The following TP53BP2 variants were observed in gnomAD, a reference collection of about 807,000 sequenced individuals.
TP53BP2 encodes the protein tumor protein p53 binding protein 2.
In TP53BP2, 62 loss-of-function variants were observed where a neutral mutation model predicts 126.2. The ratio of observed to expected loss-of-function variants is 0.49; its 90% confidence interval spans 0.40 to 0.61. The LOEUF is 0.61. TP53BP2 is among the 20% of genes least tolerant of loss of function. TP53BP2 has a pLI of 0.00. For synonymous variants in TP53BP2, 485 were observed against 502.9 expected (o/e 0.96, Z 0.48); for missense variants, 1,215 against 1,402.8 (o/e 0.87, Z 2.14).
chr1:223,798,424 T>G lies in TP53BP2; in HGVS notation c.1739A>C (p.Gln580Pro). Residue 580 changes from glutamine (Q) to proline (P), a missense_variant, in exon 12 of 18, where the codon CAA becomes CCA. Around this residue, in one of 4 missense-constraint regions of TP53BP2, gnomAD observed 814 missense variants for 853.0 expected, o/e 0.95. Transcript: ENST00000343537. ...QDQTLSPGSKQESPPAAAVRP... is the reference protein window; with the variant it reads ...QDQTLSPGSKPESPPAAAVRP... The stretch of plus-strand genomic sequence containing the variant: ...GACGGCAGCAGCAGGTGGACTTTCT[T>G]GCTTAGAACCTGGAGAAAGGGTCTG... 6.2e-7 allele frequency: 1 copy of G among 1,614,174 alleles called. No homozygotes were observed. Among genetic ancestry groups the G allele is most frequent in the South Asian group, 1.1e-5 (1 of 91,080 alleles).
At chr1:223,799,798 T>C (rs1011386355) in intron 11 of TP53BP2, 101 bp downstream of exon 11, 7 of 1,081,206 alleles carry the variant, frequency 6.5e-6, no homozygotes, top group African/African-American at 1.6e-5. Flanking sequence ...CCTAGGTACA[T>C]CCTGTTTCTT....
At chr1:223,805,670 C>T (rs1229907714) in intron 5 of TP53BP2, among the ~76,000 whole-genome samples, 1 of 152,172 alleles carries the variant, frequency 6.6e-6, no homozygotes, top group Admixed American at 6.5e-5. Context: ...CATGACAAAC[C>T]AACAATTGTC....
rs1209744882 is a variant in TP53BP2, at chr1:223,804,230, T to G, written c.593A>C (p.Lys198Thr). The G allele has an allele frequency of 6.2e-7, 1 of 1,614,186 alleles. No homozygotes were observed. Among genetic ancestry groups the G allele is most frequent in the East Asian group, 2.2e-5 (1 of 44,890 alleles). Residue 198 changes from lysine to threonine, a missense_variant, in exon 6 of 18, where the codon AAA (lysine) becomes ACA (threonine). Transcript: ENST00000343537. ...IAENQEAKLKKVRALKGHVEQ... is the reference protein window; with the variant it reads ...IAENQEAKLKTVRALKGHVEQ... ...CACGTGGCCTTTAAGTGCTCTCACT[T>G]TTTTTAGCTTAGCTTCCTGATTCTC...
chr1:223,802,589 G>A (rs1163828449), intron 8 of TP53BP2, 142 bp downstream of exon 8: 15 of 1,082,284 alleles, frequency 1.4e-5, no homozygotes, highest in Middle Eastern at 2.8e-4. Context: ...GCAGCGGATT[G>A]TCTTTTAAGG....
Position 223,796,519 on chromosome 1 carries a change from G to C in TP53BP2, c.2020C>G (p.Gln674Glu). Residue 674 changes from glutamine to glutamate, a missense_variant, in exon 13 of 18, where the codon CAG (glutamine) becomes GAG (glutamate). By Grantham distance (29) the Gln-to-Glu change is conservative. This residue lies in a region of TP53BP2 where 814 missense variants were observed against 853.0 expected (regional missense o/e 0.95). Transcript: ENST00000343537. This position sits in a 1 kb window ranked among gnomAD's most constrained non-coding sequence, Gnocchi z 4.2. Reference sequence around the variant, plus strand: ...GGTTCTGGACTGCCAGGCTTGCCCTGGCTATTGGAATAAATGTTCTCTGGG... The same window carrying C: ...GGTTCTGGACTGCCAGGCTTGCCCTCGCTATTGGAATAAATGTTCTCTGGG... ...QHPENIYSNS[Q>E]GKPGSPEPET... The C allele has an allele frequency of 6.2e-7, 1 of 1,614,044 alleles. No individual in the cohort carries two copies. Among genetic ancestry groups the C allele is most frequent in the Admixed American group, 1.7e-5 (1 of 60,008 alleles).
chr1:223,780,859 C>T lies in TP53BP2; in HGVS notation c.3399G>A (p.Leu1133=), dbSNP rs749277837. The change falls in exon 18 of 18, where the codon TTG becomes TTA. Residue 1133 remains leucine, a synonymous_variant. Coordinates refer to ENST00000343537, the MANE Select transcript of TP53BP2 (RefSeq NM_001031685.3). ...YPRIKPRQRS[L]A is the part of the protein sequence containing the mutation. The stretch of plus-strand genomic sequence containing the variant: ...AAAATTCTGTGTGGAAGTTTCAGGC[C>T]AAGCTCCTTTGTCTTGGTTTAATTC... The T allele has an allele frequency of 6.2e-7, 1 of 1,613,662 alleles. No individual in the cohort carries two copies. The highest frequency in any genetic ancestry group is 8.5e-7 in the Non-Finnish European group (1 of 1,179,906).
At chr1:223,802,007 T>G in intron 9 of TP53BP2, 109 bp downstream of exon 9, 1 of 1,124,556 alleles carries the variant, frequency 8.9e-7, no homozygotes, top group Non-Finnish European at 1.3e-6. Flanking sequence ...AAAAGGATTT[T>G]TAGAATTCAA....
In TP53BP2 at chr1:223,802,734, T is replaced by C. The variant is rs769373578; in HGVS notation, c.993A>G (p.Leu331=). Residue 331 remains leucine (L), a synonymous_variant, in exon 8 of 18, where the codon CTA becomes CTG. Transcript: ENST00000343537. ...KKAALQQKEN[L]PVSSDGNLPQ... ...CATTACAAAACGGCCCACTTACTGG[T>C]AGATTTTCTTTTTGCTGTAGAGCTG... The C allele has an allele frequency of 1.9e-6, 3 of 1,613,952 alleles. No individual in the cohort carries two copies. The highest frequency in any genetic ancestry group is 4.5e-5 in the East Asian group (2 of 44,896).
At chr1:223,788,886 A>T in intron 16 of TP53BP2, 122 bp downstream of exon 16, 1 of 981,236 alleles carries the variant, frequency 1.0e-6, no homozygotes, top group East Asian at 2.5e-5. Flanking sequence ...TGTATTTTCA[A>T]GGCCCAAGAC....
chr1:223,836,956 G>C (rs1173690036), intron 1 of TP53BP2, among the ~76,000 whole-genome samples: 1 of 151,904 alleles, frequency 6.6e-6, no homozygotes. Flanking sequence ...AAACTTTTCA[G>C]GAAATTAACA....
chr1:223,821,377 AAGAG>A lies in TP53BP2; in HGVS notation c.28-14_28-11del. 3 of 1,614,012 alleles carry A rather than the reference AAGAG, an allele frequency of 1.9e-6. No individual in the cohort carries two copies. The highest frequency in any genetic ancestry group is 1.6e-4 in the Middle Eastern group (1 of 6,062). On this transcript the variant is annotated splice_polypyrimidine_tract_variant and intron_variant, in intron 1 of 17. Transcript: ENST00000343537. Reference sequence around the variant, plus strand: ...ACACGGTAAGAAACATCTAAAAATTAAGAGAGAAACACATGGTTACTGGTACTGT... The same window carrying A: ...ACACGGTAAGAAACATCTAAAAATTAAGAAACACATGGTTACTGGTACTGT...
At chr1:223,843,677 A>G (rs1664177960) in intron 1 of TP53BP2, among the ~76,000 whole-genome samples, 1 of 152,198 alleles carries the variant, frequency 6.6e-6, no homozygotes, top group Admixed American at 6.5e-5. Context: ...ATTTTTTTAC[A>G]CTAAATGGCT....
At chr1:223,819,053 T>C (rs921081673) in intron 2 of TP53BP2, among the ~76,000 whole-genome samples, 1 of 151,466 alleles carries the variant, frequency 6.6e-6, no homozygotes, top group Non-Finnish European at 1.5e-5. Context: ...CGTGGTGGCG[T>C]ATGCCTGTAA....
intron 1 of TP53BP2, among the ~76,000 whole-genome samples, chr1:223,823,808 T>G (rs1663398741): frequency 6.6e-6 from 1 of 152,228 alleles, no homozygotes; most frequent in South Asian, 2.1e-4. Context: ...CTCTCCATAC[T>G]CCCTACCGAT....
intron 16 of TP53BP2, among the ~76,000 whole-genome samples, chr1:223,786,656 G>A: frequency 6.6e-6 from 1 of 151,386 alleles, no homozygotes; most frequent in Admixed American, 6.6e-5. Context: ...GCCCAGGCTG[G>A]AGTGCAGTGG....
rs910781563 is a variant in TP53BP2 at position 223,792,514 on chromosome 1, GTCA to G, written c.2868_2870del (p.Asp957del). 1.2e-5 allele frequency: 20 copies of G among 1,613,936 alleles called. No homozygotes were observed. The highest frequency in any genetic ancestry group is 1.7e-5 in the Non-Finnish European group (20 of 1,179,890). ...TGCCTTCATCATTGGGGAGGCTTGG[GTCA>G]TCAACCTATATCAAGAAGAAGGGTG... On this transcript the variant is annotated inframe_deletion, in exon 15 of 18. Coordinates refer to ENST00000343537, the MANE Select transcript of TP53BP2 (RefSeq NM_001031685.3).
In TP53BP2 at chr1:223,806,848, T is replaced by C. The variant is rs1002680535; in HGVS notation, c.472A>G (p.Lys158Glu). Residue 158 changes from lysine (K) to glutamate (E), a missense_variant and splice_region_variant, in exon 5 of 18, where the codon AAG (lysine) becomes GAG (glutamate). This residue lies in a region of TP53BP2 where 814 missense variants were observed against 853.0 expected (regional missense o/e 0.95). Coordinates refer to ENST00000343537, the MANE Select transcript of TP53BP2 (RefSeq NM_001031685.3). ...CCAAAAAAAAAGGACGATACTACCTTAGTTGCCAGCAATTGTTGCTGGGCT... is the reference window on the plus strand; with the variant it reads ...CCAAAAAAAAAGGACGATACTACCTCAGTTGCCAGCAATTGTTGCTGGGCT... ...IEAQQQLLAT[K>E]EQRLKFLKQQ... 6.8e-6 allele frequency: 11 copies of C among 1,613,166 alleles called. No homozygotes were observed. The highest frequency in any genetic ancestry group is 8.5e-6 in the Non-Finnish European group (10 of 1,179,530).
At position 223,786,502 on chromosome 1, in the gene TP53BP2, A is replaced by G. The variant is rs1484939003; in HGVS notation, c.3164-2188T>C. Among the ~76,000 whole-genome samples the G allele has an allele frequency of 6.6e-5, 10 of 152,156 alleles. No homozygotes were observed. In the East Asian group the frequency reaches 1.9e-3, roughly 29 times the overall value. ...AAAAAATCATATTCCATATCTAAATATAGGTCAGATGGTCAATAAAATTAA... is the reference window on the plus strand; with the variant it reads ...AAAAAATCATATTCCATATCTAAATGTAGGTCAGATGGTCAATAAAATTAA... On this transcript the variant is annotated intron_variant, in intron 16 of 17. Coordinates refer to ENST00000343537, the MANE Select transcript of TP53BP2 (RefSeq NM_001031685.3).
chr1:223,831,379 C>T (rs1663703806), intron 1 of TP53BP2, among the ~76,000 whole-genome samples: 2 of 131,588 alleles, frequency 1.5e-5, no homozygotes, highest in South Asian at 4.8e-4. Flanking sequence ...GCTTGGGCGA[C>T]AGAGCAAGAC....
Sources: gnomAD v4.1 joint callset for allele counts (sites outside exome capture counted in the v4.1 genomes callset) on GRCh38, gnomAD v4.1.1 for gene constraint, gnomAD v4.1.1 regional missense constraint, Gnocchi (gnomAD v3.1) non-coding constraint, MANE v1.5 for transcripts, NCBI Gene and HGNC (gene_info 2026-07-23, HGNC 2026-07-21) for gene names.